MACROD2: variants seen among roughly 807,000 people sequenced by gnomAD.
MACROD2 encodes ADP-ribose glycohydrolase MACROD2.
A neutral mutation model predicts 70.4 loss-of-function variants in MACROD2; 36 were observed. The ratio of observed to expected loss-of-function variants is 0.51; its 90% CI spans 0.39 to 0.68. The LOEUF (loss-of-function observed/expected upper bound fraction) is 0.68, where lower values mean the gene tolerates loss of function less well. Among genes scored for constraint, MACROD2 ranks in the 30% least tolerant of loss-of-function variants. MACROD2 has a pLI of 0.00. For synonymous variants in MACROD2, 172 were observed against 178.8 expected (o/e 0.96, Z 0.30); for missense variants, 496 against 538.4 (o/e 0.92, Z 0.78).
chr20:14,749,136 G>A (rs984842978), intron 5 of MACROD2, among the ~76,000 whole-genome samples: 2 of 151,888 alleles, frequency 1.3e-5, no homozygotes, highest in African/African-American at 4.8e-5. Flanking sequence ...ATTTTTCTCA[G>A]GACTTATTCA....
rs115852494 is a variant in MACROD2, at chr20:15,602,751, G to A, written c.645+102904G>A. ...GAATAAAAATGCCTGTGTAATGAGG[G>A]CAGAAGTGAGACTAGTAGGAAAGTA... On this transcript the variant is annotated intron_variant, in intron 8 of 17. Coordinates refer to ENST00000684519, the MANE Select transcript of MACROD2 (RefSeq NM_001351661.2). 2.8e-3 allele frequency among the ~76,000 whole-genome samples: 420 copies of A among 152,286 alleles called. 4 individuals carry two copies. The highest frequency in any genetic ancestry group is 9.6e-3 in the African/African-American group (398 of 41,556).
intron 10 of MACROD2, among the ~76,000 whole-genome samples, chr20:15,887,570 A>G (rs1323302879): frequency 6.6e-6 from 1 of 152,098 alleles, no homozygotes; most frequent in Admixed American, 6.6e-5. Flanking sequence ...AGCACCAGAG[A>G]ATTAATTTCT....
chr20:14,715,760 G>A (rs1189261193), intron 5 of MACROD2, among the ~76,000 whole-genome samples: 1 of 152,092 alleles, frequency 6.6e-6, no homozygotes, highest in Non-Finnish European at 1.5e-5. Context: ...GGGCTAAAAG[G>A]TTGATTGTAG....
intron 10 of MACROD2, among the ~76,000 whole-genome samples, chr20:15,909,158 T>C (rs1331209767): frequency 6.6e-5 from 10 of 152,190 alleles, no homozygotes; most frequent in African/African-American, 2.4e-4. Flanking sequence ...AACTGAAAGC[T>C]GGAAGAACTG....
chr20:15,138,713 C>G lies in MACROD2; in HGVS notation c.419-91227C>G, dbSNP rs201487551. ...GTAGAGTGTGGTATTAAAGTAGTGG[C>G]TGAATTACTTGACATAATTTGCATA... On this transcript the variant is annotated intron_variant, in intron 5 of 17. Transcript: ENST00000684519. 3.9e-5 allele frequency among the ~76,000 whole-genome samples: 6 copies of G among 152,092 alleles called. No homozygotes were observed. The East Asian group carries it at 1.2e-3, about 29-fold the overall frequency.
rs560966820 is a variant in MACROD2, at chr20:15,330,621, T to A, written c.540+100560T>A. On this transcript the variant is annotated intron_variant, in intron 6 of 17. Coordinates refer to ENST00000684519, the MANE Select transcript of MACROD2 (RefSeq NM_001351661.2). ...AGTAACCCAAACTGATGTTAGATGA[T>A]CACAGCAAGAAAAAAAAATGTGCCA... Among the ~76,000 whole-genome samples the A allele has an allele frequency of 2.6e-5, 4 of 151,518 alleles. No individual in the cohort carries two copies. The East Asian group carries it at 5.8e-4, about 22-fold the overall frequency.
intron 5 of MACROD2, among the ~76,000 whole-genome samples, chr20:14,722,720 C>T (rs1390950411): frequency 1.3e-5 from 2 of 152,220 alleles, no homozygotes; most frequent in African/African-American, 4.8e-5. Context: ...AATTTAGACA[C>T]CTATATTGGT....
chr20:14,499,598 C>A (rs147414294), intron 4 of MACROD2, among the ~76,000 whole-genome samples: 3 of 152,166 alleles, frequency 2.0e-5, no homozygotes, highest in Admixed American at 2.0e-4. Context: ...GATAAGCCTG[C>A]TAAAGGAGGC....
chr20:14,719,842 C>T (rs374375677), intron 5 of MACROD2, among the ~76,000 whole-genome samples: 43 of 152,230 alleles, frequency 2.8e-4, no homozygotes, highest in African/African-American at 8.4e-4. Flanking sequence ...TCCATGTGTG[C>T]GCAATCTTCA....
intron 3 of MACROD2, among the ~76,000 whole-genome samples, chr20:14,385,637 C>T (rs1488899408): frequency 1.3e-5 from 2 of 152,172 alleles, no homozygotes; most frequent in Non-Finnish European, 2.9e-5. Flanking sequence ...TGGGTGGCCT[C>T]TTACTTGCAG....
chr20:15,759,501 T>C (rs1304263759), intron 8 of MACROD2, among the ~76,000 whole-genome samples: 1 of 152,194 alleles, frequency 6.6e-6, no homozygotes, highest in Non-Finnish European at 1.5e-5. Flanking sequence ...AAAGGCTCAT[T>C]GTGCAATTAC....
chr20:14,185,157 T>G (rs2081334879), intron 3 of MACROD2, among the ~76,000 whole-genome samples: 1 of 152,076 alleles, frequency 6.6e-6, no homozygotes, highest in South Asian at 2.1e-4. Context: ...CAGGGAAGAA[T>G]CTAGCATTTA....
intron 2 of MACROD2, among the ~76,000 whole-genome samples, chr20:14,004,913 AC>A (rs2052792843): frequency 6.6e-6 from 1 of 152,120 alleles, no homozygotes; most frequent in South Asian, 2.1e-4. Context: ...ATCATTACTT[AC>A]GTTTTTATAG....
At chr20:14,445,929 A>G (rs2122970329) in intron 3 of MACROD2, among the ~76,000 whole-genome samples, 1 of 152,208 alleles carries the variant, frequency 6.6e-6, no homozygotes, top group Non-Finnish European at 1.5e-5. Context: ...GCCATCATGC[A>G]AGTTTGCTGT....
chr20:15,146,051 T>C (rs1260499698), intron 5 of MACROD2, among the ~76,000 whole-genome samples: 1 of 152,174 alleles, frequency 6.6e-6, no homozygotes, highest in Non-Finnish European at 1.5e-5. Context: ...AAAATTTATT[T>C]GTTACATTTA....
chr20:14,944,415 AT>A (rs1487853968), intron 5 of MACROD2, among the ~76,000 whole-genome samples: 1 of 152,186 alleles, frequency 6.6e-6, no homozygotes, highest in African/African-American at 2.4e-5. Context: ...TTCTGCAGTC[AT>A]TCTCTAAATT....
intron 8 of MACROD2, among the ~76,000 whole-genome samples, chr20:15,787,489 G>A (rs1032693479): frequency 2.6e-5 from 4 of 151,854 alleles, no homozygotes; most frequent in Non-Finnish European, 4.4e-5. Flanking sequence ...GGAGTCCCCC[G>A]TGGCTGTTGT....
intron 6 of MACROD2, among the ~76,000 whole-genome samples, chr20:15,253,743 C>T (rs1026187610): frequency 2.0e-5 from 3 of 152,178 alleles, no homozygotes; most frequent in African/African-American, 7.2e-5. Flanking sequence ...AGGTCACAAT[C>T]TTTATTCTTG....
intron 4 of MACROD2, among the ~76,000 whole-genome samples, chr20:14,614,621 G>T (rs1454213685): frequency 6.6e-6 from 1 of 151,992 alleles, no homozygotes; most frequent in Non-Finnish European, 1.5e-5. Flanking sequence ...TGCCTTACTT[G>T]TAACTAATGC....
Sources: gnomAD v4.1 joint callset for allele counts (sites outside exome capture counted in the v4.1 genomes callset) on GRCh38, gnomAD v4.1.1 for gene constraint, MANE v1.5 for transcripts, NCBI Gene and HGNC (gene_info 2026-07-23, HGNC 2026-07-21) for gene names.